The following EXOC4 variants were observed in gnomAD, a reference collection of about 807,000 sequenced individuals.
EXOC4 encodes SEC8-like 1.
EXOC4 carries 71 observed loss-of-function variants against 107.2 expected under a neutral mutation model. The ratio of observed to expected loss-of-function variants is 0.66; its 90% CI spans 0.55 to 0.81. EXOC4 has a LOEUF of 0.81. Ranked by LOEUF, EXOC4 falls within the 30% of genes least tolerant of loss-of-function variation. The pLI is 0.00. For missense variants in EXOC4, 1,108 were observed against 1,189.6 expected (o/e 0.93, Z 1.01); for synonymous variants, 456 against 441.2 (o/e 1.03, Z -0.42).
chr7:133,383,090 A>G lies in EXOC4; in HGVS notation c.1182+8088A>G, dbSNP rs536090350. The stretch of plus-strand genomic sequence containing the variant: ...CTTTTGAGCAGCGGCAGTACCTTCC[A>G]AAATGACACCTACTTGGTGACAAGT... On this transcript the variant is annotated intron_variant, in intron 7 of 17. Coordinates refer to ENST00000253861, the MANE Select transcript of EXOC4 (RefSeq NM_021807.4). 2.6e-5 allele frequency among the ~76,000 whole-genome samples: 4 copies of G among 152,304 alleles called. No individual in the cohort carries two copies. The South Asian group carries it at 8.3e-4, about 32-fold the overall frequency.
chr7:133,288,505 A>G (rs1794331464), intron 2 of EXOC4, among the ~76,000 whole-genome samples: 1 of 152,196 alleles, frequency 6.6e-6, no homozygotes, highest in Admixed American at 6.5e-5. Context: ...TTCTAGAGCT[A>G]GAAGCTTGGA....
At chr7:133,465,180 AG>A (rs1798698632) in intron 7 of EXOC4, among the ~76,000 whole-genome samples, 1 of 152,148 alleles carries the variant, frequency 6.6e-6, no homozygotes, top group Non-Finnish European at 1.5e-5. Context: ...TGAAAAGAAA[AG>A]GGGAGAAAGC....
Position 133,374,957 on chromosome 7 carries a change from G to T in EXOC4, c.1137G>T (p.Leu379=). 1 of 1,614,056 alleles carries T rather than the reference G, an allele frequency of 6.2e-7. No homozygotes were observed. Among genetic ancestry groups the T allele is most frequent in the East Asian group, 2.2e-5 (1 of 44,862 alleles). The change falls in exon 7 of 18, where the codon CTG becomes CTT. Residue 379 remains leucine (L), a synonymous_variant. Coordinates refer to ENST00000253861, the MANE Select transcript of EXOC4 (RefSeq NM_021807.4). ...TPLTQQEDIK[L]YDMADVWVKI... ...TGACTCAGCAGGAAGATATCAAACT[G>T]TATGATATGGCAGATGTATGGGTGA... is the stretch of plus-strand genomic sequence containing the variant.
At position 133,958,600 on chromosome 7, in the gene EXOC4, G is replaced by A. The variant is rs140149698; in HGVS notation, c.2206+20531G>A. 1.8e-3 allele frequency among the ~76,000 whole-genome samples: 274 copies of A among 152,192 alleles called. 2 individuals carry two copies. Among genetic ancestry groups the A allele is most frequent in the African/African-American group, 6.1e-3 (253 of 41,518 alleles). ...TACCTACTCTGGCACAAAAAACACT[G>A]TTATATTCCAGAAGTTCTTTTTTAA... On this transcript the variant is annotated intron_variant, in intron 14 of 17. Coordinates refer to ENST00000253861, the MANE Select transcript of EXOC4 (RefSeq NM_021807.4).
intron 10 of EXOC4, among the ~76,000 whole-genome samples, chr7:133,702,477 T>C (rs1794687669): frequency 6.6e-6 from 1 of 151,036 alleles, no homozygotes; most frequent in Admixed American, 6.6e-5. Flanking sequence ...AAGCCTGGAT[T>C]GCAAGTGGGG....
intron 1 of EXOC4, among the ~76,000 whole-genome samples, chr7:133,257,890 T>C (rs1795054203): frequency 2.0e-5 from 3 of 152,186 alleles, no homozygotes; most frequent in Non-Finnish European, 4.4e-5. Flanking sequence ...AAAGTAAACT[T>C]TGTTGAAGGG....
chr7:133,623,627 G>A (rs1802384248), intron 9 of EXOC4, among the ~76,000 whole-genome samples: 1 of 152,150 alleles, frequency 6.6e-6, no homozygotes, highest in South Asian at 2.1e-4. Context: ...TTTCCTTGAA[G>A]GGGCTTGTTG....
chr7:133,439,141 G>C (rs1431025994), intron 7 of EXOC4, among the ~76,000 whole-genome samples: 1 of 132,630 alleles, frequency 7.5e-6, no homozygotes, highest in Middle Eastern at 4.2e-3. Flanking sequence ...TCTTCAAGAT[G>C]TTATAGTTGT....
At chr7:133,546,021 C>T (rs1190743916) in intron 9 of EXOC4, among the ~76,000 whole-genome samples, 1 of 152,086 alleles carries the variant, frequency 6.6e-6, no homozygotes, top group Non-Finnish European at 1.5e-5. Context: ...TTAACCAATC[C>T]AGAGGAGAGT....
chr7:133,888,969 T>A (rs1287732691), intron 11 of EXOC4, among the ~76,000 whole-genome samples: 1 of 152,240 alleles, frequency 6.6e-6, no homozygotes, highest in East Asian at 1.9e-4. Context: ...CCTTTAAATG[T>A]TCATGATTAT....
chr7:133,774,156 T>C (rs1585135604), intron 10 of EXOC4, among the ~76,000 whole-genome samples: 1 of 152,018 alleles, frequency 6.6e-6, no homozygotes, highest in Non-Finnish European at 1.5e-5. Context: ...CAGGGCAGAG[T>C]TGGGAAGGCT....
intron 9 of EXOC4, among the ~76,000 whole-genome samples, chr7:133,619,984 CTG>C (rs34442997): frequency 0.024 from 3,600 of 149,520 alleles, 97 homozygotes; most frequent in African/African-American, 0.064. Context: ...TCCCTGTTTT[CTG>C]TGTGTGTGTG....
intron 5 of EXOC4, among the ~76,000 whole-genome samples, chr7:133,336,945 G>A (rs1428273886): frequency 6.6e-6 from 1 of 151,986 alleles, no homozygotes; most frequent in African/African-American, 2.4e-5. Context: ...ATGTTGGGCA[G>A]GATTGTCTTG....
intron 11 of EXOC4, among the ~76,000 whole-genome samples, chr7:133,824,619 C>A (rs934351640): frequency 2.6e-5 from 4 of 152,140 alleles, no homozygotes; most frequent in Non-Finnish European, 5.9e-5. Context: ...AACTTAGTGC[C>A]TTAAAACAAC....
intron 12 of EXOC4, among the ~76,000 whole-genome samples, chr7:133,910,309 T>C (rs552819121): frequency 1.3e-5 from 2 of 152,348 alleles, no homozygotes; most frequent in Admixed American, 6.5e-5. Context: ...CAAACAGTTA[T>C]GATCCTTCAT....
intron 10 of EXOC4, among the ~76,000 whole-genome samples, chr7:133,725,436 C>A (rs200667556): frequency 6.6e-6 from 1 of 152,126 alleles, no homozygotes; most frequent in Non-Finnish European, 1.5e-5. Context: ...AGTACAATGG[C>A]GCGATCTCAG....
chr7:133,445,744 T>C (rs1468342924), intron 7 of EXOC4, among the ~76,000 whole-genome samples: 1 of 152,092 alleles, frequency 6.6e-6, no homozygotes, highest in Non-Finnish European at 1.5e-5. Flanking sequence ...ATCTGGTGTG[T>C]TGTTACCCTG....
chr7:133,456,534 G>A (rs1400308775), intron 7 of EXOC4, among the ~76,000 whole-genome samples: 2 of 152,178 alleles, frequency 1.3e-5, no homozygotes, highest in Admixed American at 6.6e-5. Context: ...GCCACATTCT[G>A]TACTATCTAA....
chr7:133,281,116 G>C (rs1450604319), intron 2 of EXOC4, among the ~76,000 whole-genome samples: 1 of 151,966 alleles, frequency 6.6e-6, no homozygotes, highest in African/African-American at 2.4e-5. Flanking sequence ...AAAACCCGGG[G>C]AAAGAAAGCA....
Sources: gnomAD v4.1 joint callset for allele counts (sites outside exome capture counted in the v4.1 genomes callset) on GRCh38, gnomAD v4.1.1 for gene constraint, MANE v1.5 for transcripts, NCBI Gene and HGNC (gene_info 2026-07-23, HGNC 2026-07-21) for gene names.